The following GRK6 variants were observed in gnomAD, a reference collection of about 807,000 sequenced individuals.
GRK6 encodes G protein-coupled receptor kinase 6.
A neutral mutation model predicts 80.8 loss-of-function variants in GRK6; 37 were observed. The observed-to-expected ratio is 0.46, with a 90% CI of 0.35 to 0.60. The LOEUF (loss-of-function observed/expected upper bound fraction) is 0.60. GRK6 is among the 20% of genes least tolerant of loss of function. GRK6 has a pLI of 0.00. For synonymous variants in GRK6, 295 were observed against 320.9 expected, an observed-to-expected ratio of 0.92 and a Z score of 0.86; for missense variants, 560 against 784.6, an observed-to-expected ratio of 0.71 and a Z score of 3.42.
chr5:177,431,994 G>A lies in GRK6; in HGVS notation c.149-1G>A. The A allele has an allele frequency of 6.2e-7, 1 of 1,612,952 alleles. No homozygotes were observed. Among genetic ancestry groups the A allele is most frequent in the Non-Finnish European group, 8.5e-7 (1 of 1,179,708 alleles). On this transcript the variant is annotated splice_acceptor_variant, in intron 2 of 15. Coordinates refer to ENST00000355472, the MANE Select transcript of GRK6 (RefSeq NM_001004106.3). LOFTEE classifies it high-confidence loss of function. ...CCAGCAGCTTCCATCACTGCCAACA[G>A]AGCGTGACTATCACAGCCTGTGCGA...
chr5:177,440,864 G>A, intron 14 of GRK6, 27 bp downstream of exon 14: 1 of 1,613,732 alleles, frequency 6.2e-7, no homozygotes, highest in Non-Finnish European at 8.5e-7. Flanking sequence ...CTGGTGGGGT[G>A]GGCTCCAGGA....
intron 13 of GRK6, chr5:177,439,870 G>A (rs1400240284): frequency 1.3e-5 from 2 of 152,328 alleles, no homozygotes; most frequent in East Asian, 1.9e-4. Flanking sequence ...CCTTTTTAAG[G>A]CTGAATAATA....
At position 177,436,203 on chromosome 5, in the gene GRK6, G is replaced by A. The variant is rs1249714843; in HGVS notation, c.1188G>A (p.Glu396=). 2.5e-6 allele frequency: 4 copies of A among 1,614,106 alleles called. No individual in the cohort carries two copies. Among genetic ancestry groups the A allele is most frequent in the Non-Finnish European group, 3.4e-6 (4 of 1,180,048 alleles). ...QQRKKKIKRE[E]VERLVKEVPE... is the part of the protein sequence containing the mutation. ...GGAAGAAGAAGATCAAGCGGGAGGA[G>A]GTGGAGCGGCTGGTGAAGGAGGTCC... The change falls in exon 12 of 16, where the codon GAG becomes GAA. Residue 396 remains glutamate (E), a synonymous_variant. Coordinates refer to ENST00000355472, the MANE Select transcript of GRK6 (RefSeq NM_001004106.3).
At position 177,433,416 on chromosome 5, in the gene GRK6, T is replaced by A. The variant is rs747359164; in HGVS notation, c.597+6T>A. On this transcript the variant is annotated splice_donor_region_variant and intron_variant, in intron 7 of 15. Coordinates refer to ENST00000355472, the MANE Select transcript of GRK6 (RefSeq NM_001004106.3). ...GCAAAGGTGGCTTTGGGGAGGTGAGTGGCCAGGCCAGAGCCCCTGGGAGAG... is the reference window on the plus strand; with the variant it reads ...GCAAAGGTGGCTTTGGGGAGGTGAGAGGCCAGGCCAGAGCCCCTGGGAGAG... 2 of 1,612,726 alleles carry A rather than the reference T, an allele frequency of 1.2e-6. No individual in the cohort carries two copies. The highest frequency in any genetic ancestry group is 1.7e-6 in the Non-Finnish European group (2 of 1,179,382).
chr5:177,438,328 T>G (rs179809), intron 13 of GRK6, among the ~76,000 whole-genome samples: 62,929 of 151,650 alleles, frequency 0.41, 14,378 homozygotes, highest in Non-Finnish European at 0.53. Flanking sequence ...AGATCGCGCA[T>G]TGCACTCCAG....
At chr5:177,433,703 C>T (rs753337485) in intron 8 of GRK6, 27 bp downstream of exon 8, 9 of 1,611,112 alleles carry the variant, frequency 5.6e-6, no homozygotes, top group Middle Eastern at 1.7e-4. Flanking sequence ...ACTCTCCCTT[C>T]CCCTTGGCCA....
upstream of GRK6, chr5:177,426,530 C>T (rs940565844): frequency 1.3e-5 from 2 of 151,950 alleles, no homozygotes; most frequent in African/African-American, 4.8e-5. Context: ...TTGAGCGAGT[C>T]CCCAGCTGGG....
upstream of GRK6, chr5:177,426,398 G>C (rs1763667568): frequency 6.6e-6 from 1 of 152,222 alleles, no homozygotes; most frequent in Non-Finnish European, 1.5e-5. Context: ...CCGGCTGAGG[G>C]CTCGGCCCTA....
intron 2 of GRK6, chr5:177,431,588 G>A (rs930258628): frequency 8.0e-6 from 2 of 250,540 alleles, no homozygotes; most frequent in Non-Finnish European, 1.6e-5. Flanking sequence ...AGAGCCTGCC[G>A]GAAGCCACAG....
At position 177,432,623 on chromosome 5, in the gene GRK6, C is replaced by T. The variant is rs1418023471; in HGVS notation, c.340-83C>T. 3.3e-5 allele frequency: 32 copies of T among 979,160 alleles called. 1 individual carries two copies. The highest frequency in any genetic ancestry group is 7.9e-5 in the East Asian group (3 of 37,874). 60.7% of individuals were successfully genotyped at this position (979,160 alleles called of 1,614,324 possible). A position where few individuals can be genotyped will look rare whatever the true frequency, so the allele number is the denominator to read the frequency against. ...CCTGCAGCCTCTCATGGCACCAGCC[C>T]GAGTTGCCTGACCCCTCTCCCCTGG... On this transcript the variant is annotated intron_variant, in intron 4 of 15. Coordinates refer to ENST00000355472, the MANE Select transcript of GRK6 (RefSeq NM_001004106.3).
In GRK6 at chr5:177,434,952, G is replaced by T; in HGVS notation, c.967+13G>T. On this transcript the variant is annotated intron_variant, in intron 10 of 15. Transcript: ENST00000355472. ...CTGGATGACCACGGTGTGTAAGGGT[G>T]CCTGGGGTGGGTCAGGGTGGGGTGA... The T allele has an allele frequency of 6.2e-7, 1 of 1,613,104 alleles. No homozygotes were observed. The highest frequency in any genetic ancestry group is 8.5e-7 in the Non-Finnish European group (1 of 1,179,344).
intron 5 of GRK6, among the ~76,000 whole-genome samples, 170 bp from the exon 6 acceptor site, chr5:177,432,977 A>G (rs916288222): frequency 6.6e-6 from 1 of 152,196 alleles, no homozygotes; most frequent in Non-Finnish European, 1.5e-5. Flanking sequence ...AGTAGCACCC[A>G]CAGCTTCAGC....
At chr5:177,435,643 GA>G (rs1764108404) in intron 11 of GRK6, among the ~76,000 whole-genome samples, 1 of 152,250 alleles carries the variant, frequency 6.6e-6, no homozygotes, top group African/African-American at 2.4e-5. Context: ...CCTGGAAGAT[GA>G]AAAGGGAGAG....
At chr5:177,426,027 G>C (rs61169609), upstream of GRK6, among the ~76,000 whole-genome samples, 390 of 152,368 alleles carry the variant, frequency 2.6e-3, 3 homozygotes, top group African/African-American at 7.8e-3. Flanking sequence ...ACATCCGGCT[G>C]CGGGGGCTGG....
intron 15 of GRK6, 93 bp from the exon 16 acceptor site, chr5:177,441,644 C>T: frequency 1.8e-6 from 2 of 1,081,602 alleles, no homozygotes; most frequent in South Asian, 1.2e-5. Context: ...TCCTGGCCTG[C>T]CCTGGCAGGG....
chr5:177,431,950 G>C (rs1034794730), intron 2 of GRK6, 45 bp from the exon 3 acceptor site: 2 of 1,559,250 alleles, frequency 1.3e-6, no homozygotes, highest in South Asian at 2.2e-5. Context: ...CCCCACCCAT[G>C]TGCTCTCGGG....
At position 177,428,304 on chromosome 5, in the gene GRK6, G is replaced by A. The variant is rs989485630; in HGVS notation, c.52+1407G>A. Among the ~76,000 whole-genome samples the A allele has an allele frequency of 2.0e-5, 3 of 152,272 alleles. No homozygotes were observed. The highest frequency in any genetic ancestry group is 4.8e-5 in the African/African-American group (2 of 41,476). On this transcript the variant is annotated intron_variant, in intron 1 of 15. Transcript: ENST00000355472. This position sits in a 1 kb window ranked among gnomAD's most constrained non-coding sequence, Gnocchi z 4.1. ...GGCCTGCTGATGGCACTGCCTGGCC[G>A]GAGAGTGTGGGTACCTTTGGACAAG...
intron 13 of GRK6, among the ~76,000 whole-genome samples, chr5:177,439,075 ATAAC>A (rs1398108856): frequency 6.6e-6 from 1 of 152,234 alleles, no homozygotes; most frequent in African/African-American, 2.4e-5. Context: ...TAACCTTGAA[ATAAC>A]TACACTGCCT....
intron 11 of GRK6, 77 bp from the exon 12 acceptor site, chr5:177,435,996 G>A (rs970373530): frequency 1.9e-5 from 24 of 1,259,754 alleles, no homozygotes; most frequent in Admixed American, 7.2e-5. Flanking sequence ...CAGACCTAAC[G>A]TGCACTGGCG....
Sources: allele counts gnomAD v4.1 joint callset (sites outside exome capture counted in the v4.1 genomes callset), GRCh38; gene constraint gnomAD v4.1.1; non-coding constraint Gnocchi (gnomAD v3.1); transcripts MANE v1.5; gene names NCBI Gene and HGNC (gene_info 2026-07-23, HGNC 2026-07-21).